ZBTB8A: variants seen among roughly 807,000 people sequenced by gnomAD.
The protein encoded by ZBTB8A is zinc finger and BTB domain-containing protein 8A.
ZBTB8A carries 19 observed loss-of-function variants against 37.8 expected under a neutral mutation model. That is an observed-to-expected ratio of 0.50 (90% CI 0.35 to 0.74). The LOEUF (loss-of-function observed/expected upper bound fraction) is 0.74, where lower values mean the gene tolerates loss of function less well. Ranked by LOEUF, ZBTB8A falls within the 30% of genes least tolerant of loss-of-function variation. The probability of loss-of-function intolerance (pLI) is 0.01; values close to 1 mark genes in which losing one functional copy is unlikely to be tolerated. For synonymous variants in ZBTB8A, 181 were observed against 185.2 expected (o/e 0.98, Z 0.19); for missense variants, 394 against 537.8 (o/e 0.73, Z 2.65).
chr1:32,579,922 G>A (rs1187062016), intron 2 of ZBTB8A, among the ~76,000 whole-genome samples: 2 of 152,152 alleles, frequency 1.3e-5, no homozygotes, highest in African/African-American at 4.8e-5. Context: ...AGTATCACCT[G>A]CAGTAATAAT....
At chr1:32,542,464 C>T (rs1570301597) in intron 1 of ZBTB8A, among the ~76,000 whole-genome samples, 2 of 152,222 alleles carry the variant, frequency 1.3e-5, no homozygotes, top group South Asian at 4.1e-4. Flanking sequence ...ATCACAACTA[C>T]TCGGGAGGCT....
At chr1:32,560,615 C>CTTTTTTTTTTTTTTTTTTTTTTTTTTT (rs1170510859) in intron 2 of ZBTB8A, among the ~76,000 whole-genome samples, 1 of 90,806 alleles carries the variant, frequency 1.1e-5, no homozygotes. Flanking sequence ...TCTTTTCTTT[C>CTTTTTTTTTTTTTTTTTTTTTTTTTTT]TTTTTTTTTT....
chr1:32,543,950 A>G (rs1475546093), intron 1 of ZBTB8A, among the ~76,000 whole-genome samples: 1 of 152,166 alleles, frequency 6.6e-6, no homozygotes, highest in Non-Finnish European at 1.5e-5. Context: ...TGCTGGGATT[A>G]CAGGCATGAG....
At position 32,592,055 on chromosome 1, in the gene ZBTB8A, A is replaced by C. The variant is rs899415349; in HGVS notation, c.-1-876A>C. Among the ~76,000 whole-genome samples, 7 of 151,686 alleles carry C rather than the reference A, an allele frequency of 4.6e-5. No homozygotes were observed. In the East Asian group the frequency reaches 5.9e-4, roughly 13 times the overall value. ...ACGGGGTTTCACCATGTTGGCCAGG[A>C]TGGTCTCCATCTCTTGACCTTGTGA... On this transcript the variant is annotated intron_variant, in intron 2 of 4. Coordinates refer to ENST00000373510, the MANE Select transcript of ZBTB8A (RefSeq NM_001040441.3).
At chr1:32,541,566 T>C (rs957567066) in intron 1 of ZBTB8A, among the ~76,000 whole-genome samples, 1 of 152,200 alleles carries the variant, frequency 6.6e-6, no homozygotes, top group Non-Finnish European at 1.5e-5. Context: ...AAAAATACTT[T>C]GGGACTGGGT....
At chr1:32,588,881 G>A (rs1644467892) in intron 2 of ZBTB8A, among the ~76,000 whole-genome samples, 1 of 151,890 alleles carries the variant, frequency 6.6e-6, no homozygotes, top group Non-Finnish European at 1.5e-5. Context: ...CTACTCAGGA[G>A]GCTGAAGCAG....
chr1:32,582,763 C>G (rs1436673156), intron 2 of ZBTB8A, among the ~76,000 whole-genome samples: 1 of 152,166 alleles, frequency 6.6e-6, no homozygotes, highest in Non-Finnish European at 1.5e-5. Flanking sequence ...TATATTATGT[C>G]TCTGTTAGCA....
intron 1 of ZBTB8A, among the ~76,000 whole-genome samples, chr1:32,542,727 A>G (rs1644067067): frequency 6.6e-6 from 1 of 152,208 alleles, no homozygotes; most frequent in Admixed American, 6.5e-5. Context: ...TGTCTTTCCC[A>G]ACCACCTTTT....
intron 2 of ZBTB8A, among the ~76,000 whole-genome samples, chr1:32,554,225 A>AATTT (rs1644181507): frequency 6.6e-6 from 1 of 151,146 alleles, no homozygotes; most frequent in Admixed American, 6.6e-5. Context: ...AAAAGGGTAA[A>AATTT]ATTTTGTAGT....
At chr1:32,541,056 A>G (rs911799393) in intron 1 of ZBTB8A, among the ~76,000 whole-genome samples, 1 of 152,234 alleles carries the variant, frequency 6.6e-6, no homozygotes, top group Non-Finnish European at 1.5e-5. Flanking sequence ...AATTCATCGT[A>G]TGTCATTTAA....
At chr1:32,596,056 T>C (rs1391830618) in intron 4 of ZBTB8A, among the ~76,000 whole-genome samples, 2 of 151,922 alleles carry the variant, frequency 1.3e-5, no homozygotes, top group African/African-American at 4.8e-5. Flanking sequence ...GCAGATTGCT[T>C]GAGGCCAGTT....
At chr1:32,578,711 T>C (rs556247060) in intron 2 of ZBTB8A, among the ~76,000 whole-genome samples, 76 of 152,080 alleles carry the variant, frequency 5.0e-4, no homozygotes, top group African/African-American at 1.8e-3. Context: ...TTATTATTTA[T>C]TTATTTATGG....
intron 1 of ZBTB8A, 115 bp from the exon 2 acceptor site, chr1:32,553,344 G>GCTA: frequency 6.6e-6 from 1 of 152,194 alleles, no homozygotes; most frequent in Non-Finnish European, 1.5e-5. Context: ...ACAGGTGTGA[G>GCTA]CTACTGTGCC....
chr1:32,585,891 T>C (rs985105670), intron 2 of ZBTB8A, among the ~76,000 whole-genome samples: 3 of 151,830 alleles, frequency 2.0e-5, no homozygotes, highest in Admixed American at 2.0e-4. Flanking sequence ...TAGTCCCAGC[T>C]ACTCAGGAGG....
chr1:32,584,904 T>C (rs1644435070), intron 2 of ZBTB8A, among the ~76,000 whole-genome samples: 1 of 152,022 alleles, frequency 6.6e-6, no homozygotes, highest in Admixed American at 6.6e-5. Flanking sequence ...TTCCACACTT[T>C]ATGGGAGATC....
chr1:32,588,702 G>C (rs770872978), intron 2 of ZBTB8A, among the ~76,000 whole-genome samples: 3 of 152,022 alleles, frequency 2.0e-5, no homozygotes, highest in Non-Finnish European at 4.4e-5. Context: ...AAATGGTTTT[G>C]GCCAGGCCCG....
At position 32,564,052 on chromosome 1, in the gene ZBTB8A, C is replaced by T. The variant is rs78968812; in HGVS notation, c.-2+10512C>T. Among the ~76,000 whole-genome samples, 1,519 of 152,246 alleles carry T rather than the reference C, an allele frequency of 1.0e-2. 13 individuals are homozygous for T. Among genetic ancestry groups the T allele is most frequent in the Non-Finnish European group, 0.017 (1,165 of 68,026 alleles). ...GCAACAGCTAATTTGAAACCATGGG[C>T]ACGGTGAGCAGACTGCATGCTGTCA... On this transcript the variant is annotated intron_variant, in intron 2 of 4. Coordinates refer to ENST00000373510, the MANE Select transcript of ZBTB8A (RefSeq NM_001040441.3).
intron 2 of ZBTB8A, among the ~76,000 whole-genome samples, chr1:32,579,276 C>T (rs1330145274): frequency 1.3e-5 from 2 of 151,822 alleles, no homozygotes; most frequent in African/African-American, 4.8e-5. Flanking sequence ...TGGTGAAACC[C>T]CGTCTCTACT....
At chr1:32,571,026 C>T (rs1644318901) in intron 2 of ZBTB8A, among the ~76,000 whole-genome samples, 1 of 152,134 alleles carries the variant, frequency 6.6e-6, no homozygotes, top group Non-Finnish European at 1.5e-5. Context: ...CAGGTGCCCA[C>T]CACCACGCCC....
Sources: gnomAD v4.1 joint callset for allele counts (sites outside exome capture counted in the v4.1 genomes callset) on GRCh38, gnomAD v4.1.1 for gene constraint, MANE v1.5 for transcripts, NCBI Gene and HGNC (gene_info 2026-07-23, HGNC 2026-07-21) for gene names.